PTGFRN: variants seen among roughly 807,000 people sequenced by gnomAD.
PTGFRN encodes the protein prostaglandin F2 receptor inhibitor, also known as prostaglandin F2 receptor negative regulator.
Under a neutral mutation model 83.2 loss-of-function variants are expected in PTGFRN, and 35 were observed. The observed-to-expected ratio is 0.42, with a 90% CI of 0.32 to 0.56. The LOEUF (loss-of-function observed/expected upper bound fraction) is 0.56, where lower values mean the gene tolerates loss of function less well. Among genes scored for constraint, PTGFRN ranks in the 20% least tolerant of loss-of-function variants. PTGFRN has a pLI of 0.11. For synonymous variants in PTGFRN, 519 were observed against 498.6 expected (o/e 1.04, Z -0.55); for missense variants, 1,051 against 1,179.5 (o/e 0.89, Z 1.60).
intron 1 of PTGFRN, among the ~76,000 whole-genome samples, chr1:116,914,011 G>A (rs939545796): frequency 2.0e-5 from 3 of 152,174 alleles, no homozygotes; most frequent in African/African-American, 7.2e-5. Context: ...TATTAATCAG[G>A]TAGGCTAAAC....
At position 116,909,983 on chromosome 1, in the gene PTGFRN, C is replaced by G; in HGVS notation, c.-221C>G. ...CGGCGGGGCCGGCTCCCGGGCCCGGCCGGCTGGAGGAGGGAGGGAAGGAGG... is the reference window on the plus strand; with the variant it reads ...CGGCGGGGCCGGCTCCCGGGCCCGGGCGGCTGGAGGAGGGAGGGAAGGAGG... On this transcript the variant is annotated 5_prime_UTR_variant, in exon 1 of 9. Coordinates refer to ENST00000393203, the MANE Select transcript of PTGFRN (RefSeq NM_020440.4). 1 of 579,626 alleles carries G rather than the reference C, an allele frequency of 1.7e-6. No individual in the cohort carries two copies. 35.9% of individuals were successfully genotyped at this position (579,626 alleles called of 1,614,324 possible). A position where few individuals can be genotyped will look rare whatever the true frequency, so the allele number is the denominator to read the frequency against.
intron 6 of PTGFRN, among the ~76,000 whole-genome samples, chr1:116,971,601 A>G (rs1557747593): frequency 6.6e-6 from 1 of 152,330 alleles, no homozygotes; most frequent in African/African-American, 2.4e-5. Context: ...ATAATGACCC[A>G]TATTAACAGT....
At chr1:116,985,687 G>A (rs1433092760) in intron 8 of PTGFRN, among the ~76,000 whole-genome samples, 1 of 147,068 alleles carries the variant, frequency 6.8e-6, no homozygotes. Context: ...CAGCCCAGGC[G>A]ACAATGGGAT....
At chr1:116,956,874 G>A (rs559140641) in intron 4 of PTGFRN, among the ~76,000 whole-genome samples, 74 of 152,296 alleles carry the variant, frequency 4.9e-4, no homozygotes, top group South Asian at 1.2e-3. Context: ...TATTCATAAA[G>A]TGTCTACTCT....
intron 1 of PTGFRN, among the ~76,000 whole-genome samples, chr1:116,936,445 G>A: frequency 6.6e-6 from 1 of 152,180 alleles, no homozygotes; most frequent in East Asian, 1.9e-4. Context: ...TTTTCCCAGT[G>A]GAGCTATCAT....
chr1:116,949,228 C>T lies in PTGFRN; in HGVS notation c.869C>T (p.Ala290Val). 3 of 1,604,916 alleles carry T rather than the reference C, an allele frequency of 1.9e-6. No individual in the cohort carries two copies. Among genetic ancestry groups the T allele is most frequent in the Non-Finnish European group, 2.6e-6 (3 of 1,173,426 alleles). Reference protein sequence around the residue: ...RAAVPKNVSVAEGKELDLTCN... With the variant: ...RAAVPKNVSVVEGKELDLTCN... ...GCTGTGCCCAAGAATGTGTCTGTGG[C>T]TGAAGGAAAGGAACTGGACCTGACC... Residue 290 changes from alanine to valine, a missense_variant, in exon 4 of 9, where the codon GCT becomes GTT. Physicochemically the swap from Ala to Val is moderately conservative, Grantham distance 64. Around this residue, in one of 3 missense-constraint regions of PTGFRN, gnomAD observed 719 missense variants for 836.6 expected, o/e 0.86. Coordinates refer to ENST00000393203, the MANE Select transcript of PTGFRN (RefSeq NM_020440.4).
intron 4 of PTGFRN, among the ~76,000 whole-genome samples, chr1:116,951,891 C>T (rs1650363323): frequency 6.6e-6 from 1 of 152,148 alleles, no homozygotes; most frequent in Admixed American, 6.5e-5. Context: ...GATACCATAC[C>T]ACATACAACT....
At position 116,961,879 on chromosome 1, in the gene PTGFRN, C is replaced by A. The variant is rs948206575; in HGVS notation, c.1639+211C>A. On this transcript the variant is annotated intron_variant, in intron 5 of 8. Transcript: ENST00000393203. This position sits in a 1 kb window ranked among gnomAD's most constrained non-coding sequence, Gnocchi z 5.4. ...AAGCCCCAGAGAGGTCCCTCTCCAA[C>A]TCACTGTCAATCAGCCAAGTCTCTT... Among the ~76,000 whole-genome samples, 1 of 152,162 alleles carries A rather than the reference C, an allele frequency of 6.6e-6. No individual in the cohort carries two copies. Among genetic ancestry groups the A allele is most frequent in the African/African-American group, 2.4e-5 (1 of 41,434 alleles).
chr1:116,927,525 CTT>C (rs1171564821), intron 1 of PTGFRN, among the ~76,000 whole-genome samples: 7,372 of 124,254 alleles, frequency 0.059, 241 homozygotes, highest in East Asian at 0.15. Context: ...CCTTGCTTAC[CTT>C]TTTTTTTTTT....
Position 116,961,188 on chromosome 1 carries a change from C to A in PTGFRN, c.1214-55C>A. ...CCTTGTCTCATTCCTTTTGTTAATT[C>A]TTGCCATGTTACTCTAATTATTTTC... On this transcript the variant is annotated intron_variant, in intron 4 of 8. Transcript: ENST00000393203. This position sits in a 1 kb window ranked among gnomAD's most constrained non-coding sequence, Gnocchi z 5.4. 6.8e-7 allele frequency: 1 copy of A among 1,466,330 alleles called. No homozygotes were observed. The allele number at this position is 1,466,330 out of a possible 1,614,324, so 90.8% of individuals were successfully genotyped here.
chr1:116,933,976 A>G (rs1428602458), intron 1 of PTGFRN, among the ~76,000 whole-genome samples: 1 of 152,180 alleles, frequency 6.6e-6, no homozygotes, highest in Non-Finnish European at 1.5e-5. Context: ...AATTATGCCT[A>G]ATTCTACTAC....
Position 116,910,141 on chromosome 1 carries a change from G to A in PTGFRN, c.-63G>A, listed in dbSNP as rs1649221459. On this transcript the variant is annotated 5_prime_UTR_variant, in exon 1 of 9. Coordinates refer to ENST00000393203, the MANE Select transcript of PTGFRN (RefSeq NM_020440.4). ...CTCTGGAGCAGCCGGAGCTGGAAGA[G>A]GAGGAGGAGGAGAGGCGGCGGGGAA... 3.6e-6 allele frequency: 5 copies of A among 1,396,870 alleles called. No individual in the cohort carries two copies. Among genetic ancestry groups the A allele is most frequent in the Middle Eastern group, 2.4e-4 (1 of 4,146 alleles). 86.5% of individuals were successfully genotyped at this position (1,396,870 alleles called of 1,614,324 possible).
rs1008118563 is a variant in PTGFRN at position 116,989,985 on chromosome 1, C to T, written c.*3018C>T. The stretch of plus-strand genomic sequence containing the variant: ...GTCACTGACATCTGTGAGCCAAAGA[C>T]TGAGCCTTTTTGGCAGGAATAATAA... On this transcript the variant is annotated 3_prime_UTR_variant, in exon 9 of 9. Transcript: ENST00000393203. 2.0e-5 allele frequency: 3 copies of T among 152,646 alleles called. No individual in the cohort carries two copies. Among genetic ancestry groups the T allele is most frequent in the Non-Finnish European group, 4.4e-5 (3 of 68,036 alleles). 9.5% of individuals were successfully genotyped at this position (152,646 alleles called of 1,614,324 possible). A position where few individuals can be genotyped will look rare whatever the true frequency, so the allele number is the denominator to read the frequency against.
intron 1 of PTGFRN, among the ~76,000 whole-genome samples, chr1:116,930,452 C>A (rs907355918): frequency 1.3e-5 from 2 of 152,214 alleles, no homozygotes; most frequent in African/African-American, 4.8e-5. Flanking sequence ...TTTTACCCCC[C>A]ACTCCCTCCG....
chr1:116,974,403 A>G, intron 7 of PTGFRN, 80 bp downstream of exon 7: 1 of 1,116,308 alleles, frequency 9.0e-7, no homozygotes. Flanking sequence ...TGTTACACAG[A>G]TGTGGGTTAG....
At chr1:116,971,736 A>G (rs894157914) in intron 6 of PTGFRN, among the ~76,000 whole-genome samples, 4 of 152,222 alleles carry the variant, frequency 2.6e-5, no homozygotes, top group East Asian at 3.9e-4. Flanking sequence ...TCCCACGTCC[A>G]GTAGGGGAAG....
At chr1:116,965,201 A>G (rs1285503075) in intron 5 of PTGFRN, among the ~76,000 whole-genome samples, 4 of 152,150 alleles carry the variant, frequency 2.6e-5, no homozygotes, top group African/African-American at 7.2e-5. Context: ...CTGCTGTTCC[A>G]TCAGTCTAGA....
At chr1:116,927,911 T>C (rs141107546) in intron 1 of PTGFRN, among the ~76,000 whole-genome samples, 117 of 152,346 alleles carry the variant, frequency 7.7e-4, no homozygotes, top group Middle Eastern at 3.4e-3. Context: ...GCAAAGTCTT[T>C]GTCGCCTCCT....
chr1:116,925,472 G>A (rs928774828), intron 1 of PTGFRN, among the ~76,000 whole-genome samples: 66 of 152,110 alleles, frequency 4.3e-4, no homozygotes, highest in Non-Finnish European at 5.7e-4. Flanking sequence ...GGAGGATATT[G>A]GTTTTTAATA....
Sources: gnomAD v4.1 joint callset for allele counts (sites outside exome capture counted in the v4.1 genomes callset) on GRCh38, gnomAD v4.1.1 for gene constraint, gnomAD v4.1.1 regional missense constraint, Gnocchi (gnomAD v3.1) non-coding constraint, MANE v1.5 for transcripts, NCBI Gene and HGNC (gene_info 2026-07-23, HGNC 2026-07-21) for gene names.